The following FRMD4A variants were observed in gnomAD, a reference collection of about 807,000 sequenced individuals.
The protein encoded by FRMD4A is FERM domain containing 4A.
Under a neutral mutation model 129.1 loss-of-function variants are expected in FRMD4A, and 29 were observed. The ratio of observed to expected loss-of-function variants is 0.22; its 90% CI spans 0.17 to 0.31. The LOEUF is 0.31. Among genes scored for constraint, FRMD4A ranks in the 10% least tolerant of loss-of-function variants. The pLI, the probability that FRMD4A is intolerant of heterozygous loss-of-function variation, is 1.00. For missense variants in FRMD4A, 1,272 were observed against 1,375.8 expected (o/e 0.92, Z 1.19); for synonymous variants, 634 against 571.6 (o/e 1.11, Z -1.56).
chr10:13,789,804 T>TGTGTGTGG (rs1554898662), intron 5 of FRMD4A, among the ~76,000 whole-genome samples: 1 of 104,110 alleles, frequency 9.6e-6, no homozygotes, highest in African/African-American at 3.5e-5. Context: ...TGTGTGTGTG[T>TGTGTGTGG]TGTGTGGTGA....
intron 2 of FRMD4A, among the ~76,000 whole-genome samples, chr10:13,902,580 C>T (rs1565004786): frequency 6.6e-6 from 1 of 151,490 alleles, no homozygotes; most frequent in Non-Finnish European, 1.5e-5. Context: ...TGGCTCACAC[C>T]TGTAATCCCA....
At chr10:14,135,596 A>G (rs1413096384) in intron 2 of FRMD4A, among the ~76,000 whole-genome samples, 1 of 152,204 alleles carries the variant, frequency 6.6e-6, no homozygotes, top group African/African-American at 2.4e-5. Flanking sequence ...TGTTATCAAG[A>G]GGCATAGGGG....
At chr10:14,161,517 A>G (rs1351069769) in intron 2 of FRMD4A, among the ~76,000 whole-genome samples, 1 of 152,244 alleles carries the variant, frequency 6.6e-6, no homozygotes, top group Non-Finnish European at 1.5e-5. Context: ...TGCCATTTGC[A>G]GGGATATGGA....
chr10:14,104,328 C>T (rs1343806745), intron 2 of FRMD4A, among the ~76,000 whole-genome samples: 3 of 151,918 alleles, frequency 2.0e-5, no homozygotes, highest in African/African-American at 7.3e-5. Flanking sequence ...ACACTGCCAT[C>T]GAGGTTACAC....
Position 13,786,602 on chromosome 10 carries a change from G to A in FRMD4A, c.300-3596C>T, listed in dbSNP as rs139983516. On this transcript the variant is annotated intron_variant, in intron 5 of 24. Coordinates refer to ENST00000357447, the MANE Select transcript of FRMD4A (RefSeq NM_018027.5). ...GCCTGGGCAACAAAAGCGAAACTCC[G>A]TCTCAAAAATAAATAAATAAATCTA... Among the ~76,000 whole-genome samples the A allele has an allele frequency of 8.4e-4, 128 of 152,188 alleles. 3 individuals are homozygous for A. Among genetic ancestry groups the A allele is most frequent in the African/African-American group, 3.0e-3 (124 of 41,522 alleles).
intron 2 of FRMD4A, among the ~76,000 whole-genome samples, chr10:13,946,347 A>C (rs1183632406): frequency 2.0e-5 from 3 of 152,222 alleles, no homozygotes; most frequent in Non-Finnish European, 4.4e-5. Flanking sequence ...TCCCTACCTC[A>C]GCCATATTGT....
intron 2 of FRMD4A, among the ~76,000 whole-genome samples, chr10:14,267,005 G>T (rs760990929): frequency 6.6e-6 from 1 of 152,186 alleles, no homozygotes; most frequent in Non-Finnish European, 1.5e-5. Context: ...TGTCACTAGT[G>T]CTGTGTAATG....
intron 2 of FRMD4A, among the ~76,000 whole-genome samples, chr10:14,016,700 C>T (rs978442752): frequency 1.3e-5 from 2 of 152,150 alleles, no homozygotes; most frequent in African/African-American, 2.4e-5. Context: ...TCACACATGA[C>T]AAAGGAAGCT....
chr10:14,177,235 TTGCCCGGGCTGGAG>T (rs566182574), intron 2 of FRMD4A, among the ~76,000 whole-genome samples: 96 of 152,268 alleles, frequency 6.3e-4, no homozygotes, highest in African/African-American at 2.1e-3. Context: ...TATCGCTCTG[TTGCCCGGGCTGGAG>T]TGCAGTGGCA....
At chr10:14,150,189 A>G (rs565071921) in intron 2 of FRMD4A, among the ~76,000 whole-genome samples, 172 of 152,170 alleles carry the variant, frequency 1.1e-3, no homozygotes, top group Non-Finnish European at 2.0e-3. Context: ...ATTACAATTC[A>G]GTATGAGATT....
chr10:14,206,209 C>G (rs1183624008), intron 2 of FRMD4A, among the ~76,000 whole-genome samples: 1 of 152,158 alleles, frequency 6.6e-6, no homozygotes, highest in Admixed American at 6.5e-5. Context: ...CAAGGACACA[C>G]AAGGCTCTCA....
chr10:13,957,971 A>C lies in FRMD4A; in HGVS notation c.46-99059T>G, dbSNP rs1446160333. Reference sequence around the variant, plus strand: ...CCTCCCCTCTCTAAGAGCCTATGTAAACCCTGCCTGTTCTTCAACTTCCTC... The same window carrying C: ...CCTCCCCTCTCTAAGAGCCTATGTACACCCTGCCTGTTCTTCAACTTCCTC... On this transcript the variant is annotated intron_variant, in intron 2 of 24. Transcript: ENST00000357447. Among the ~76,000 whole-genome samples, 6 of 151,854 alleles carry C rather than the reference A, an allele frequency of 4.0e-5. No individual in the cohort carries two copies. In the South Asian group the frequency reaches 6.3e-4, roughly 16 times the overall value.
chr10:13,696,406 C>T (rs570004675), intron 14 of FRMD4A, among the ~76,000 whole-genome samples: 1 of 152,248 alleles, frequency 6.6e-6, no homozygotes, highest in South Asian at 2.1e-4. Flanking sequence ...AGGCCTAGAC[C>T]AATTCAGTGC....
intron 20 of FRMD4A, among the ~76,000 whole-genome samples, chr10:13,659,811 G>A (rs2082487521): frequency 6.6e-6 from 1 of 151,924 alleles, no homozygotes; most frequent in South Asian, 2.1e-4. Flanking sequence ...GAGCTTGGTA[G>A]GGTGATTAAA....
intron 2 of FRMD4A, among the ~76,000 whole-genome samples, chr10:14,138,577 G>C (rs11258889): frequency 0.054 from 8,176 of 152,044 alleles, 764 homozygotes; most frequent in African/African-American, 0.19. Context: ...TGGCCAACAT[G>C]GTGAAACACC....
intron 15 of FRMD4A, chr10:13,693,483 T>C (rs1305850890): frequency 8.8e-7 from 1 of 1,142,400 alleles, no homozygotes; most frequent in African/African-American, 1.7e-5. Context: ...GAAACCCACC[T>C]GGGAGTAGAA....
intron 2 of FRMD4A, among the ~76,000 whole-genome samples, chr10:14,304,819 C>T (rs906325002): frequency 6.6e-6 from 1 of 152,242 alleles, no homozygotes; most frequent in Non-Finnish European, 1.5e-5. Flanking sequence ...AGAACTCACT[C>T]CACCAGTGGT....
intron 2 of FRMD4A, among the ~76,000 whole-genome samples, chr10:13,862,690 C>A (rs2094310699): frequency 6.6e-6 from 1 of 152,170 alleles, no homozygotes. Flanking sequence ...TTTGAAGGTA[C>A]AGCTTTCTTT....
intron 2 of FRMD4A, among the ~76,000 whole-genome samples, chr10:13,884,196 T>TCACACACTCACACACA: frequency 9.2e-6 from 1 of 108,592 alleles, no homozygotes; most frequent in African/African-American, 3.6e-5. Context: ...ACACACACAC[T>TCACACACTCACACACA]CACACACACA....
Sources: allele counts gnomAD v4.1 joint callset (sites outside exome capture counted in the v4.1 genomes callset), GRCh38; gene constraint gnomAD v4.1.1; transcripts MANE v1.5; gene names NCBI Gene and HGNC (gene_info 2026-07-23, HGNC 2026-07-21).